The following BTN1A1 variants were observed in gnomAD, a reference collection of about 807,000 sequenced individuals.
The protein encoded by BTN1A1 is bK14H9.2 (butyrophilin, subfamily 1, member A1).
A neutral mutation model predicts 33.1 loss-of-function variants in BTN1A1; 26 were observed. That is an observed-to-expected ratio of 0.79 (90% CI 0.58 to 1.09). BTN1A1 has a LOEUF of 1.09. Ranked by LOEUF, BTN1A1 falls within the 50% of genes least tolerant of loss-of-function variation. The pLI, the probability that BTN1A1 is intolerant of heterozygous loss-of-function variation, is 0.00. For missense variants in BTN1A1, 558 were observed against 655.7 expected, an observed-to-expected ratio of 0.85 and a Z score of 1.63; for synonymous variants, 235 against 256.2, an observed-to-expected ratio of 0.92 and a Z score of 0.79.
chr6:26,504,306 A>C (rs545245847), intron 3 of BTN1A1, among the ~76,000 whole-genome samples: 23 of 152,066 alleles, frequency 1.5e-4, no homozygotes, highest in Non-Finnish European at 2.5e-4. Flanking sequence ...TAATGCTCTC[A>C]GCCTAGACCA....
chr6:26,509,359 A>G lies in BTN1A1; in HGVS notation c.*185A>G. 1 of 612,314 alleles carries G rather than the reference A, an allele frequency of 1.6e-6. No individual in the cohort carries two copies. The highest frequency in any genetic ancestry group is 2.2e-5 in the South Asian group (1 of 44,664). 37.9% of individuals were successfully genotyped at this position (612,314 alleles called of 1,614,324 possible). The stretch of plus-strand genomic sequence containing the variant: ...TTGCACCTTCCAAATCTGTTTCTGT[A>G]CCAATATTTGGGGGATGGAGGGGTG... On this transcript the variant is annotated 3_prime_UTR_variant, in exon 8 of 8. Coordinates refer to ENST00000684113, the MANE Select transcript of BTN1A1 (RefSeq NM_001732.3).
intron 5 of BTN1A1, among the ~76,000 whole-genome samples, chr6:26,507,430 T>G (rs921422414): frequency 2.6e-5 from 4 of 152,044 alleles, no homozygotes; most frequent in Admixed American, 6.6e-5. Flanking sequence ...ATCTTATTAT[T>G]AAAGATCTGA....
rs1763805753 is a variant in BTN1A1 at position 26,501,907 on chromosome 6, G to A, written c.397G>A (p.Glu133Lys). Residue 133 changes from glutamate to lysine, a missense_variant, in exon 3 of 8, where the codon GAA (glutamate) becomes AAA (lysine). Glu to Lys is a moderately conservative substitution (Grantham distance 56, BLOSUM62 1). Coordinates refer to ENST00000684113, the MANE Select transcript of BTN1A1 (RefSeq NM_001732.3). This position sits in a 1 kb window ranked among gnomAD's most constrained non-coding sequence, Gnocchi z 5.2. ...CTTTTTCAGGGAGGATGGAAGCTACGAAGAAGCCCTGGTGCATCTGAAGGT... is the reference window on the plus strand; with the variant it reads ...CTTTTTCAGGGAGGATGGAAGCTACAAAGAAGCCCTGGTGCATCTGAAGGT... ...TCFFREDGSY[E>K]EALVHLKVAA... is the part of the protein sequence containing the mutation. 1 of 1,590,854 alleles carries A rather than the reference G, an allele frequency of 6.3e-7. No individual in the cohort carries two copies. Among genetic ancestry groups the A allele is most frequent in the Non-Finnish European group, 8.6e-7 (1 of 1,166,596 alleles).
rs932980271 is a variant in BTN1A1 at position 26,503,633 on chromosome 6, T to C, written c.428-1292T>C. ...TTCACATATATATCATATATGTATA[T>C]ATTATCTAAATCTATATGCATATAT... On this transcript the variant is annotated intron_variant, in intron 3 of 7. Transcript: ENST00000684113. Among the ~76,000 whole-genome samples, 5 of 149,312 alleles carry C rather than the reference T, an allele frequency of 3.3e-5. No homozygotes were observed. The East Asian group carries it at 7.7e-4, about 23-fold the overall frequency.
In BTN1A1 at chr6:26,508,053, T is replaced by C. The variant is rs199808922; in HGVS notation, c.881-8T>C. On this transcript the variant is annotated splice_polypyrimidine_tract_variant and splice_region_variant and intron_variant, in intron 6 of 7. Transcript: ENST00000684113. ...CCTGTCAATGACTATCTTTCTCTTTTGTTGCAGAATGGAAAAAGGCTACCT... is the reference window on the plus strand; with the variant it reads ...CCTGTCAATGACTATCTTTCTCTTTCGTTGCAGAATGGAAAAAGGCTACCT... The C allele has an allele frequency of 2.5e-6, 4 of 1,612,666 alleles. 1 individual carries two copies. The highest frequency in any genetic ancestry group is 2.2e-5 in the East Asian group (1 of 44,878).
chr6:26,504,302 T>C (rs1009372907), intron 3 of BTN1A1, among the ~76,000 whole-genome samples: 5 of 152,082 alleles, frequency 3.3e-5, no homozygotes, highest in Non-Finnish European at 5.9e-5. Flanking sequence ...CTCATAATGC[T>C]CTCAGCCTAG....
At position 26,509,288 on chromosome 6, in the gene BTN1A1, A is replaced by G; in HGVS notation, c.*114A>G. The G allele has an allele frequency of 2.0e-6, 2 of 1,014,198 alleles. No individual in the cohort carries two copies. The highest frequency in any genetic ancestry group is 3.2e-5 in the South Asian group (2 of 62,762). The allele number at this position is 1,014,198 out of a possible 1,614,324, so 62.8% of individuals were successfully genotyped here. A position where few individuals can be genotyped will look rare whatever the true frequency, so the allele number is the denominator to read the frequency against. ...GTTTCTTCCTGTTGGGTGGCAATTA[A>G]TTAATCCTGTGAAGGTTACATTGCT... On this transcript the variant is annotated 3_prime_UTR_variant, in exon 8 of 8. Transcript: ENST00000684113.
At chr6:26,505,771 GC>G (rs1763860838) in intron 4 of BTN1A1, among the ~76,000 whole-genome samples, 2 of 151,944 alleles carry the variant, frequency 1.3e-5, no homozygotes, top group South Asian at 4.2e-4. Context: ...AGATAGAGAA[GC>G]TTTGTCCCTG....
In BTN1A1 at chr6:26,508,580, T is replaced by C; in HGVS notation, c.987T>C (p.Asp329=). Residue 329 remains aspartate, a synonymous_variant, in exon 8 of 8, where the codon GAT becomes GAC. Coordinates refer to ENST00000684113, the MANE Select transcript of BTN1A1 (RefSeq NM_001732.3). ...YEDSKSVRLE[D]SRQKLPEKTE... is the part of the protein sequence containing the mutation. ...ATTCAAAATCTGTTCGACTGGAAGA[T>C]TCACGTCAGAAACTGCCTGAGAAAA... The C allele has an allele frequency of 6.2e-7, 1 of 1,614,178 alleles. No homozygotes were observed.
chr6:26,500,688 G>A (rs1464222143), intron 1 of BTN1A1, among the ~76,000 whole-genome samples: 3 of 152,154 alleles, frequency 2.0e-5, no homozygotes, highest in Non-Finnish European at 4.4e-5. Flanking sequence ...AGGCCAAGGC[G>A]GGTGGATCAC....
In BTN1A1 at chr6:26,501,821, A is replaced by AG; in HGVS notation, c.315dup (p.Arg106AlafsTer13). On this transcript the variant is annotated frameshift_variant, in exon 3 of 8. Transcript: ENST00000684113. LOFTEE classifies it high-confidence loss of function. This position sits in a 1 kb window ranked among gnomAD's most constrained non-coding sequence, Gnocchi z 5.2. The stretch of plus-strand genomic sequence containing the variant: ...ACGCTGGTCCAGGACGGCATCGCCA[A>AG]GGGGCGCGTGGCCTTGAGGATCCGT... 6.2e-7 allele frequency: 1 copy of AG among 1,612,808 alleles called. No individual in the cohort carries two copies. Among genetic ancestry groups the AG allele is most frequent in the Non-Finnish European group, 8.5e-7 (1 of 1,179,300 alleles).
At position 26,509,673 on chromosome 6, in the gene BTN1A1, G is replaced by C; in HGVS notation, c.*499G>C. On this transcript the variant is annotated 3_prime_UTR_variant, in exon 8 of 8. Transcript: ENST00000684113. ...AGTGAGGTGAATCCAGGCACATGAT[G>C]AACACCTGGCTCATCCATAGAGTTT... The C allele has an allele frequency of 1.3e-5, 2 of 157,474 alleles. No individual in the cohort carries two copies. The highest frequency in any genetic ancestry group is 2.8e-5 in the Non-Finnish European group (2 of 71,420). 9.8% of individuals were successfully genotyped at this position (157,474 alleles called of 1,614,324 possible). A position where few individuals can be genotyped will look rare whatever the true frequency, so the allele number is the denominator to read the frequency against.
chr6:26,505,419 T>C (rs886098317), intron 4 of BTN1A1, among the ~76,000 whole-genome samples: 1 of 152,070 alleles, frequency 6.6e-6, no homozygotes, highest in African/African-American at 2.4e-5. Flanking sequence ...AAATTTCAGA[T>C]TATTTATCTA....
chr6:26,508,636 T>G lies in BTN1A1; in HGVS notation c.1043T>G (p.Leu348Trp), dbSNP rs1763903087. The change falls in exon 8 of 8, where the codon TTG becomes TGG. Residue 348 changes from leucine to tryptophan, a missense_variant. Leu to Trp is a moderately conservative substitution (Grantham distance 61). Transcript: ENST00000684113. ...AGATTTGACTCCTGGCCCTGTGTGT[T>G]GGGCCGTGAGACCTTCACCTCAGGA... ...TERFDSWPCV[L>W]GRETFTSGRH... 6.2e-7 allele frequency: 1 copy of G among 1,614,048 alleles called. No homozygotes were observed. Among genetic ancestry groups the G allele is most frequent in the Non-Finnish European group, 8.5e-7 (1 of 1,180,042 alleles).
rs1019497360 is a variant in BTN1A1, at chr6:26,500,365, A to T, written c.-58+7A>T. Among the ~76,000 whole-genome samples the T allele has an allele frequency of 6.6e-6, 1 of 152,020 alleles. No individual in the cohort carries two copies. The highest frequency in any genetic ancestry group is 1.9e-4 in the East Asian group (1 of 5,190). On this transcript the variant is annotated splice_region_variant and intron_variant, in intron 1 of 7. Coordinates refer to ENST00000684113, the MANE Select transcript of BTN1A1 (RefSeq NM_001732.3). ...TTTCTCCAAGATCACCCAGGTCAGT[A>T]TGTGTGGTTACTCTCAGCTCCCTGA...
At position 26,505,065 on chromosome 6, in the gene BTN1A1, G is replaced by A; in HGVS notation, c.568G>A (p.Glu190Lys). The A allele has an allele frequency of 6.2e-7, 1 of 1,614,228 alleles. No homozygotes were observed. Among genetic ancestry groups the A allele is most frequent in the South Asian group, 1.1e-5 (1 of 91,090 alleles). Reference sequence around the variant, plus strand: ...GGGAGAGAAGTTTCCATCTACATCAGAGTCCAGGAATCCTGATGAAGAAGG... The same window carrying A: ...GGGAGAGAAGTTTCCATCTACATCAAAGTCCAGGAATCCTGATGAAGAAGG... ...SKGEKFPSTS[E>K]SRNPDEEGLF... The change falls in exon 4 of 8, where the codon GAG (glutamate) becomes AAG (lysine). Residue 190 changes from glutamate to lysine, a missense_variant. By Grantham distance (56) the Glu-to-Lys change is moderately conservative (BLOSUM62 1). Coordinates refer to ENST00000684113, the MANE Select transcript of BTN1A1 (RefSeq NM_001732.3).
In BTN1A1 at chr6:26,508,620, T is replaced by C. The variant is rs1763902870; in HGVS notation, c.1027T>C (p.Ser343Pro). The C allele has an allele frequency of 2.5e-6, 4 of 1,614,198 alleles. No individual in the cohort carries two copies. Among genetic ancestry groups the C allele is most frequent in the Non-Finnish European group, 3.4e-6 (4 of 1,180,040 alleles). ...GCCTGAGAAAACAGAGAGATTTGAC[T>C]CCTGGCCCTGTGTGTTGGGCCGTGA... ...KLPEKTERFD[S>P]WPCVLGRETF... The change falls in exon 8 of 8, where the codon TCC becomes CCC. Residue 343 changes from serine (S) to proline (P), a missense_variant. Physicochemically the swap from Ser to Pro is moderately conservative, Grantham distance 74 (BLOSUM62 -1). Coordinates refer to ENST00000684113, the MANE Select transcript of BTN1A1 (RefSeq NM_001732.3).
intron 5 of BTN1A1, 97 bp from the exon 6 acceptor site, chr6:26,507,853 T>C: frequency 1.6e-6 from 2 of 1,241,282 alleles, no homozygotes; most frequent in Admixed American, 3.9e-5. Context: ...AGTCATGAAT[T>C]AAACAGTTCC....
intron 3 of BTN1A1, among the ~76,000 whole-genome samples, chr6:26,502,747 C>T (rs1279941363): frequency 6.6e-6 from 1 of 152,170 alleles, no homozygotes; most frequent in East Asian, 1.9e-4. Context: ...ATACCACACA[C>T]TTTAAGGCTG....
Sources: gnomAD v4.1 joint callset for allele counts (sites outside exome capture counted in the v4.1 genomes callset) on GRCh38, gnomAD v4.1.1 for gene constraint, Gnocchi (gnomAD v3.1) non-coding constraint, MANE v1.5 for transcripts, NCBI Gene and HGNC (gene_info 2026-07-23, HGNC 2026-07-21) for gene names.